Variants in LRRK1 observed in about 807,000 individuals in gnomAD.
LRRK1 encodes leucine-rich repeat serine/threonine-protein kinase 1.
A neutral mutation model predicts 209.1 loss-of-function variants in LRRK1; 113 were observed. The observed-to-expected ratio is 0.54, with a 90% CI of 0.46 to 0.63. LRRK1 has a LOEUF of 0.63. LRRK1 is among the 30% of genes least tolerant of loss of function. The probability of loss-of-function intolerance (pLI) is 0.00; values close to 1 mark genes in which losing one functional copy is unlikely to be tolerated. For synonymous variants in LRRK1, 1,144 were observed against 1,099.7 expected, an observed-to-expected ratio of 1.04 and a Z score of -0.80; for missense variants, 2,284 against 2,632.2, an observed-to-expected ratio of 0.87 and a Z score of 2.89.
chr15:101,017,553 A>G (rs111508228), intron 12 of LRRK1, among the ~76,000 whole-genome samples: 2 of 152,170 alleles, frequency 1.3e-5, no homozygotes, highest in Non-Finnish European at 2.9e-5. Context: ...ACCTCCTGTC[A>G]GATCAGCGGC....
intron 2 of LRRK1, among the ~76,000 whole-genome samples, chr15:100,926,784 A>AT (rs2042124103): frequency 6.9e-6 from 1 of 145,474 alleles, no homozygotes; most frequent in Non-Finnish European, 1.5e-5. Context: ...TCCCAGGTTC[A>AT]AGTGATTCTC....
rs776348952 is a variant in LRRK1, at chr15:101,056,993, G to T, written c.4470G>T (p.Val1490=). The change falls in exon 28 of 34, where the codon GTG becomes GTT. Residue 1490 remains valine (V), a synonymous_variant. Coordinates refer to ENST00000388948, the MANE Select transcript of LRRK1 (RefSeq NM_024652.6). ...CGGTTCTGGGGCAGCCGGAGGAAGT[G>T]CAGTTCCGGCGACTGCAGGCGCTCA... ...IRPVLGQPEE[V]QFRRLQALMM... is the part of the protein sequence containing the mutation. 4 of 1,613,898 alleles carry T rather than the reference G, an allele frequency of 2.5e-6. No individual in the cohort carries two copies. In the African/African-American group the frequency reaches 5.3e-5, roughly 22 times the overall value.
Position 101,024,763 on chromosome 15 carries a change from T to C in LRRK1, c.2068-40T>C. The C allele has an allele frequency of 6.3e-7, 1 of 1,595,838 alleles. No individual in the cohort carries two copies. Among genetic ancestry groups the C allele is most frequent in the African/African-American group, 1.3e-5 (1 of 74,716 alleles). ...CGTTTGATTGACTGAAGCCTTTGTC[T>C]CTAAAATGCCTCCCTGTCGCTGCCT... On this transcript the variant is annotated intron_variant, in intron 15 of 33. Coordinates refer to ENST00000388948, the MANE Select transcript of LRRK1 (RefSeq NM_024652.6). The surrounding 1 kb of genome is among the most constrained non-coding windows in gnomAD (Gnocchi z 4.6).
intron 12 of LRRK1, among the ~76,000 whole-genome samples, chr15:101,017,954 T>C (rs2033617629): frequency 6.6e-6 from 1 of 152,038 alleles, no homozygotes; most frequent in African/African-American, 2.4e-5. Flanking sequence ...GGTATAACTT[T>C]GCTATGAGGG....
At chr15:100,993,325 GA>G (rs2032246762) in intron 6 of LRRK1, among the ~76,000 whole-genome samples, 1 of 152,090 alleles carries the variant, frequency 6.6e-6, no homozygotes, top group Admixed American at 6.6e-5. Context: ...ATCAGAGCCT[GA>G]AATATAGATA....
intron 9 of LRRK1, 57 bp downstream of exon 9, chr15:101,010,894 C>G: frequency 2.6e-6 from 4 of 1,513,974 alleles, no homozygotes; most frequent in Middle Eastern, 1.8e-4. Flanking sequence ...CTCAGCTGGC[C>G]TCAGAGAGCC....
Position 100,962,823 on chromosome 15 carries a change from A to ATATATATACGTATTTTTTTT in LRRK1, c.98-10980_98-10979insATATATACGTATTTTTTTTT. ...TATATATATATATATATATATATAT[A>ATATATATACGTATTTTTTTT]TTTTTTTTTTTTTTTTTGAGATGGA... On this transcript the variant is annotated intron_variant, in intron 2 of 33. Transcript: ENST00000388948. 5.2e-4 allele frequency among the ~76,000 whole-genome samples: 6 copies of ATATATATACGTATTTTTTTT among 11,548 alleles called. 1 individual carries two copies. Among genetic ancestry groups the ATATATATACGTATTTTTTTT allele is most frequent in the African/African-American group, 1.3e-3 (5 of 3,962 alleles). The allele number at this position is 11,548 out of a possible 152,430, so 7.6% of individuals were successfully genotyped here.
rs1444045795 is a variant in LRRK1, at chr15:101,022,628, T to C, written c.2067+31T>C. 1.4e-6 allele frequency: 2 copies of C among 1,476,334 alleles called. No individual in the cohort carries two copies. The highest frequency in any genetic ancestry group is 1.9e-6 in the Non-Finnish European group (2 of 1,077,730). The allele number at this position is 1,476,334 out of a possible 1,614,324, so 91.5% of individuals were successfully genotyped here. ...GGATGGTCTGCGTGCAGAGTCCCTG[T>C]GGGTGGGAGGAACATCCCTTGGACT... is the stretch of plus-strand genomic sequence containing the variant. On this transcript the variant is annotated intron_variant, in intron 15 of 33. Coordinates refer to ENST00000388948, the MANE Select transcript of LRRK1 (RefSeq NM_024652.6). The surrounding 1 kb of genome is among the most constrained non-coding windows in gnomAD (Gnocchi z 4.0).
chr15:101,003,200 C>T (rs1031659263), intron 6 of LRRK1, among the ~76,000 whole-genome samples: 3 of 152,204 alleles, frequency 2.0e-5, no homozygotes, highest in Non-Finnish European at 2.9e-5. Flanking sequence ...AACCTCCATC[C>T]AGCCCAGAAA....
chr15:100,925,576 G>A (rs767559262), intron 2 of LRRK1, among the ~76,000 whole-genome samples: 9 of 152,120 alleles, frequency 5.9e-5, no homozygotes, highest in Non-Finnish European at 1.2e-4. Context: ...CTTGAACATC[G>A]TTAAGCTCTT....
chr15:101,049,437 T>C, intron 22 of LRRK1: 1 of 515,398 alleles, frequency 1.9e-6, no homozygotes, highest in East Asian at 3.3e-5. Context: ...ATCTTCCTCG[T>C]GCCTCCTTCA....
In LRRK1 at chr15:101,010,657, T is replaced by G; in HGVS notation, c.1118-17T>G. 1.1e-4 allele frequency: 1 copy of G among 8,788 alleles called. No individual in the cohort carries two copies. Among genetic ancestry groups the G allele is most frequent in the Non-Finnish European group, 1.2e-4 (1 of 8,038 alleles). The allele number at this position is 8,788 out of a possible 1,614,324, so 0.5% of individuals were successfully genotyped here. A position where few individuals can be genotyped will look rare whatever the true frequency, so the allele number is the denominator to read the frequency against. ...TTTTTACCAATTCATACTTTGGGTC[T>G]TTTTTTTTTTTTTTAGCCACTAACT... On this transcript the variant is annotated splice_polypyrimidine_tract_variant and intron_variant, in intron 8 of 33. Transcript: ENST00000388948.
At chr15:100,984,194 G>A (rs568862487) in intron 4 of LRRK1, among the ~76,000 whole-genome samples, 1 of 150,640 alleles carries the variant, frequency 6.6e-6, no homozygotes, top group East Asian at 1.9e-4. Flanking sequence ...GTTTTAAGAT[G>A]ACGAAAACAA....
intron 2 of LRRK1, among the ~76,000 whole-genome samples, chr15:100,957,527 C>T (rs560190015): frequency 7.2e-4 from 109 of 152,182 alleles, no homozygotes; most frequent in African/African-American, 2.4e-3. Flanking sequence ...ATGAATTGAC[C>T]CCTTTATCAT....
At position 101,054,994 on chromosome 15, in the gene LRRK1, A is replaced by G; in HGVS notation, c.4103A>G (p.Tyr1368Cys). 1.2e-6 allele frequency: 2 copies of G among 1,613,866 alleles called. No homozygotes were observed. The highest frequency in any genetic ancestry group is 1.7e-6 in the Non-Finnish European group (2 of 1,179,924). The change falls in exon 27 of 34, where the codon TAC (tyrosine) becomes TGC (cysteine). Residue 1368 changes from tyrosine (Y) to cysteine (C), a missense_variant. Transcript: ENST00000388948. ...LGHMLTQKIAYQIASGLAYLH... is the reference protein window; with the variant it reads ...LGHMLTQKIACQIASGLAYLH... ...CACATGCTCACCCAAAAAATAGCCT[A>G]CCAGATCGCCTCGGGCCTGGCCTAC...
chr15:101,053,177 C>T lies in LRRK1; in HGVS notation c.3857-46C>T, dbSNP rs745547837. The T allele has an allele frequency of 3.1e-6, 5 of 1,592,216 alleles. No individual in the cohort carries two copies. The East Asian group carries it at 6.7e-5, about 21-fold the overall frequency. On this transcript the variant is annotated intron_variant, in intron 25 of 33. Coordinates refer to ENST00000388948, the MANE Select transcript of LRRK1 (RefSeq NM_024652.6). ...GCGGCCTTAGAGAGGCCTGAGGCTGCAGGCACCCCATGTCCTACTGGCTGA... is the reference window on the plus strand; with the variant it reads ...GCGGCCTTAGAGAGGCCTGAGGCTGTAGGCACCCCATGTCCTACTGGCTGA...
chr15:101,044,957 C>G (rs538965055), intron 20 of LRRK1, among the ~76,000 whole-genome samples: 15 of 152,222 alleles, frequency 9.9e-5, no homozygotes, highest in Non-Finnish European at 1.9e-4. Context: ...TCCTTTCACT[C>G]AAGACCTGAA....
At chr15:101,017,138 T>G (rs1426581393) in intron 12 of LRRK1, among the ~76,000 whole-genome samples, 1 of 152,224 alleles carries the variant, frequency 6.6e-6, no homozygotes, top group Non-Finnish European at 1.5e-5. Flanking sequence ...ACATCCAGGT[T>G]GTTTTAAACA....
At chr15:100,930,791 C>G (rs2042197850) in intron 2 of LRRK1, among the ~76,000 whole-genome samples, 1 of 152,230 alleles carries the variant, frequency 6.6e-6, no homozygotes, top group African/African-American at 2.4e-5. Flanking sequence ...CCTGGTTTGC[C>G]TGAGTCAGAC....
Sources: allele counts gnomAD v4.1 joint callset (sites outside exome capture counted in the v4.1 genomes callset), GRCh38; gene constraint gnomAD v4.1.1; non-coding constraint Gnocchi (gnomAD v3.1); transcripts MANE v1.5; gene names NCBI Gene and HGNC (gene_info 2026-07-23, HGNC 2026-07-21).